The following SDK1 variants were observed in gnomAD, a reference collection of about 807,000 sequenced individuals.
SDK1 encodes the protein protein sidekick-1.
A neutral mutation model predicts 245.5 loss-of-function variants in SDK1; 157 were observed. The ratio of observed to expected loss-of-function variants is 0.64; its 90% CI spans 0.56 to 0.73. The LOEUF (loss-of-function observed/expected upper bound fraction) is 0.73. Among genes scored for constraint, SDK1 ranks in the 30% least tolerant of loss-of-function variants. The pLI, the probability that SDK1 is intolerant of heterozygous loss-of-function variation, is 0.00. For missense variants in SDK1, 3,583 were observed against 3,002.3 expected, an observed-to-expected ratio of 1.19 and a Z score of -4.52; for synonymous variants, 1,647 against 1,278.5, an observed-to-expected ratio of 1.29 and a Z score of -6.15.
intron 1 of SDK1, among the ~76,000 whole-genome samples, chr7:3,531,791 TAA>T (rs907066734): frequency 6.6e-6 from 1 of 152,212 alleles, no homozygotes; most frequent in African/African-American, 2.4e-5. Flanking sequence ...CTGAACAATG[TAA>T]AGTGTTACAG....
At chr7:4,102,565 C>T (rs534963604) in intron 22 of SDK1, among the ~76,000 whole-genome samples, 13 of 152,166 alleles carry the variant, frequency 8.5e-5, no homozygotes, top group Non-Finnish European at 1.5e-4. Context: ...GCAGAATTAC[C>T]TTTGGGATGA....
At chr7:4,077,597 T>TA (rs1780776240) in intron 21 of SDK1, among the ~76,000 whole-genome samples, 1 of 152,314 alleles carries the variant, frequency 6.6e-6, no homozygotes, top group Admixed American at 6.5e-5. Flanking sequence ...TTAATGGACT[T>TA]ACAGTTCCGT....
At chr7:4,217,582 G>GGAGCACCACA (rs1784905539) in intron 38 of SDK1, among the ~76,000 whole-genome samples, 25 of 61,834 alleles carry the variant, frequency 4.0e-4, no homozygotes, top group African/African-American at 9.0e-4. Flanking sequence ...GGAGCACCAC[G>GGAGCACCACA]CCACCCGGAG....
chr7:4,172,251 C>T (rs1474547374), intron 32 of SDK1, among the ~76,000 whole-genome samples: 1 of 152,218 alleles, frequency 6.6e-6, no homozygotes, highest in Non-Finnish European at 1.5e-5. Context: ...GCTGCTTGAG[C>T]TAATGTGGTA....
At chr7:3,776,742 C>G (rs1355480110) in intron 4 of SDK1, among the ~76,000 whole-genome samples, 1 of 150,954 alleles carries the variant, frequency 6.6e-6, no homozygotes, top group Non-Finnish European at 1.5e-5. Flanking sequence ...AGTAGATACT[C>G]AAATTGCCTG....
Position 4,266,952 on chromosome 7 carries a change from A to G in SDK1, c.*1568A>G, listed in dbSNP as rs565287040. On this transcript the variant is annotated 3_prime_UTR_variant, in exon 45 of 45. Coordinates refer to ENST00000404826, the MANE Select transcript of SDK1 (RefSeq NM_152744.4). Reference sequence around the variant, plus strand: ...AACTGAGCAGTATCTGACCAGTGCCACCCAGGAGCCAGTCTCCTGGCCACA... The same window carrying G: ...AACTGAGCAGTATCTGACCAGTGCCGCCCAGGAGCCAGTCTCCTGGCCACA... The G allele has an allele frequency of 7.0e-4, 685 of 985,406 alleles. 1 individual carries two copies. Among genetic ancestry groups the G allele is most frequent in the Non-Finnish European group, 8.2e-4 (679 of 829,958 alleles). 61.0% of individuals were successfully genotyped at this position (985,406 alleles called of 1,614,324 possible).
chr7:4,017,096 C>A (rs548103995), intron 16 of SDK1, 75 bp from the exon 17 acceptor site: 10 of 1,405,374 alleles, frequency 7.1e-6, no homozygotes, highest in East Asian at 2.4e-5. Context: ...CCTAACCCTG[C>A]GGAATAACTG....
At chr7:3,912,434 G>A (rs1384428452) in intron 5 of SDK1, among the ~76,000 whole-genome samples, 1 of 152,222 alleles carries the variant, frequency 6.6e-6, no homozygotes, top group Non-Finnish European at 1.5e-5. Flanking sequence ...TACAACACCA[G>A]CGTGCCACAG....
At chr7:3,633,306 C>G (rs1272156675) in intron 2 of SDK1, among the ~76,000 whole-genome samples, 1 of 152,036 alleles carries the variant, frequency 6.6e-6, no homozygotes. Context: ...AGATTTTTTT[C>G]TTATGAATCA....
chr7:3,799,173 C>G (rs1044606492), intron 4 of SDK1, among the ~76,000 whole-genome samples: 1 of 151,964 alleles, frequency 6.6e-6, no homozygotes, highest in Non-Finnish European at 1.5e-5. Flanking sequence ...TTTTTTGTTT[C>G]TTCTTATAAA....
At chr7:3,986,724 G>A (rs773571116) in intron 13 of SDK1, among the ~76,000 whole-genome samples, 9 of 152,174 alleles carry the variant, frequency 5.9e-5, no homozygotes, top group Non-Finnish European at 1.3e-4. Flanking sequence ...AGCTGGGCAT[G>A]GTGGCAGGCG....
chr7:3,822,106 C>T (rs1193657114), intron 5 of SDK1, among the ~76,000 whole-genome samples: 4 of 152,108 alleles, frequency 2.6e-5, no homozygotes, highest in Non-Finnish European at 4.4e-5. Context: ...GGGTATTTGT[C>T]GATTTTATTT....
At chr7:3,409,236 C>A (rs1241099397) in intron 1 of SDK1, among the ~76,000 whole-genome samples, 1 of 151,924 alleles carries the variant, frequency 6.6e-6, no homozygotes, top group East Asian at 1.9e-4. Flanking sequence ...TTTCATTAAT[C>A]CTCATATCCT....
intron 1 of SDK1, among the ~76,000 whole-genome samples, chr7:3,315,405 G>A (rs753873849): frequency 6.5e-5 from 6 of 92,598 alleles, no homozygotes; most frequent in Non-Finnish European, 1.1e-4. Flanking sequence ...ACTGATCTTT[G>A]AGTGCACCCC....
intron 5 of SDK1, among the ~76,000 whole-genome samples, chr7:3,837,653 G>T (rs1028811041): frequency 6.6e-6 from 1 of 152,064 alleles, no homozygotes; most frequent in Non-Finnish European, 1.5e-5. Context: ...GGAAGCATTT[G>T]AGGTATGACC....
chr7:3,921,587 G>A (rs1779588591), intron 5 of SDK1, among the ~76,000 whole-genome samples: 1 of 152,072 alleles, frequency 6.6e-6, no homozygotes, highest in Non-Finnish European at 1.5e-5. Context: ...AGTAGAGGGA[G>A]GGGATTTTTA....
chr7:3,946,164 A>T (rs534539023), intron 5 of SDK1, among the ~76,000 whole-genome samples: 1 of 149,842 alleles, frequency 6.7e-6, no homozygotes, highest in Admixed American at 6.7e-5. Context: ...ACCCCCCTAC[A>T]CTTAGACACG....
intron 1 of SDK1, among the ~76,000 whole-genome samples, chr7:3,493,637 T>C (rs1470491929): frequency 1.3e-5 from 2 of 152,234 alleles, no homozygotes; most frequent in African/African-American, 4.8e-5. Flanking sequence ...AGGAATGTTA[T>C]CTTCATGAGT....
chr7:4,076,726 C>G (rs1005327634), intron 20 of SDK1, among the ~76,000 whole-genome samples: 1 of 152,092 alleles, frequency 6.6e-6, no homozygotes, highest in Non-Finnish European at 1.5e-5. Context: ...TCCCAGAGGC[C>G]CTGTCCTTAT....
Sources: gnomAD v4.1 joint callset for allele counts (sites outside exome capture counted in the v4.1 genomes callset) on GRCh38, gnomAD v4.1.1 for gene constraint, MANE v1.5 for transcripts, NCBI Gene and HGNC (gene_info 2026-07-23, HGNC 2026-07-21) for gene names.